GPR158: variants seen among roughly 807,000 people sequenced by gnomAD.
GPR158 encodes G protein-coupled receptor 158, also known as metabotropic glycine receptor.
In GPR158, 30 loss-of-function variants were observed where a neutral mutation model predicts 78.2. The ratio of observed to expected loss-of-function variants is 0.38; its 90% confidence interval spans 0.29 to 0.52. The LOEUF is 0.52. Ranked by LOEUF, GPR158 falls within the 20% of genes least tolerant of loss-of-function variation. The probability of loss-of-function intolerance (pLI) is 0.83; values close to 1 mark genes in which losing one functional copy is unlikely to be tolerated. For synonymous variants in GPR158, 581 were observed against 591.1 expected, an observed-to-expected ratio of 0.98 and a Z score of 0.25; for missense variants, 1,463 against 1,523.5, an observed-to-expected ratio of 0.96 and a Z score of 0.66.
At chr10:25,559,711 G>A (rs1024121089) in intron 6 of GPR158, among the ~76,000 whole-genome samples, 1 of 152,130 alleles carries the variant, frequency 6.6e-6, no homozygotes, top group East Asian at 1.9e-4. Context: ...AAAAATACTA[G>A]AGAGTAAAAA....
At chr10:25,331,777 A>G (rs1588803845) in intron 2 of GPR158, among the ~76,000 whole-genome samples, 1 of 152,300 alleles carries the variant, frequency 6.6e-6, no homozygotes, top group African/African-American at 2.4e-5. Context: ...ATTATTTGAG[A>G]AGAACCCATT....
chr10:25,273,400 C>CT (rs36068886), intron 2 of GPR158, among the ~76,000 whole-genome samples: 54,302 of 121,886 alleles, frequency 0.45, 12,483 homozygotes, highest in Non-Finnish European at 0.51. Flanking sequence ...ACATTGGCAT[C>CT]TTTTTTTTTT....
intron 5 of GPR158, among the ~76,000 whole-genome samples, chr10:25,537,663 T>A (rs1052564406): frequency 6.6e-6 from 1 of 152,108 alleles, no homozygotes; most frequent in African/African-American, 2.4e-5. Flanking sequence ...TGGATTTGTG[T>A]CCCCGCCCAA....
chr10:25,589,826 C>G lies in GPR158; in HGVS notation c.1892+681C>G, dbSNP rs539089011. 3.7e-4 allele frequency among the ~76,000 whole-genome samples: 56 copies of G among 152,200 alleles called. 1 individual carries two copies. In the Middle Eastern group the frequency reaches 0.01, roughly 28 times the overall value. On this transcript the variant is annotated intron_variant, in intron 8 of 10. Transcript: ENST00000376351. ...TATGACTTATCTTCTGAAAATGTAT[C>G]CCTGATTCATATTTGAAAATGAAAT...
intron 5 of GPR158, among the ~76,000 whole-genome samples, chr10:25,476,442 G>A (rs1192727763): frequency 7.2e-6 from 1 of 138,154 alleles, no homozygotes; most frequent in Non-Finnish European, 1.5e-5. Context: ...TGGTAGATAT[G>A]TCTTCCTGTA....
chr10:25,270,024 G>A (rs1482448034), intron 2 of GPR158, among the ~76,000 whole-genome samples: 1 of 152,100 alleles, frequency 6.6e-6, no homozygotes, highest in African/African-American at 2.4e-5. Flanking sequence ...CACCTATAAT[G>A]CAGAAAGAAG....
intron 2 of GPR158, among the ~76,000 whole-genome samples, chr10:25,303,514 A>C (rs772804183): frequency 2.0e-5 from 3 of 152,224 alleles, no homozygotes; most frequent in Non-Finnish European, 2.9e-5. Flanking sequence ...AAATAAATAC[A>C]CTAAAATGAC....
chr10:25,572,597 A>ATACTT, intron 6 of GPR158, 52 bp from the exon 7 acceptor site: 1 of 1,117,428 alleles, frequency 8.9e-7, no homozygotes, highest in Non-Finnish European at 1.4e-6. Flanking sequence ...TTTTAGAGTT[A>ATACTT]TACTTTCTGA....
intron 2 of GPR158, among the ~76,000 whole-genome samples, chr10:25,270,299 A>G (rs544943738): frequency 6.6e-6 from 1 of 152,288 alleles, no homozygotes; most frequent in South Asian, 2.1e-4. Flanking sequence ...TGAAGAATAG[A>G]TGGTCTTCTG....
chr10:25,595,025 T>G (rs1436040797), intron 9 of GPR158, among the ~76,000 whole-genome samples: 1 of 126,044 alleles, frequency 7.9e-6, no homozygotes, highest in East Asian at 2.0e-4. Context: ...GATATTGGAG[T>G]TTTTTTTCTC....
chr10:25,392,703 A>C (rs1306161742), intron 2 of GPR158, among the ~76,000 whole-genome samples: 5 of 152,128 alleles, frequency 3.3e-5, no homozygotes, highest in Non-Finnish European at 7.4e-5. Flanking sequence ...TAATTTCCTA[A>C]TCTTAAAAAT....
intron 2 of GPR158, among the ~76,000 whole-genome samples, chr10:25,267,738 T>C (rs944003185): frequency 6.6e-6 from 1 of 150,476 alleles, no homozygotes; most frequent in African/African-American, 2.5e-5. Context: ...TTGAACCCAA[T>C]GTTGTTTTAA....
intron 1 of GPR158, among the ~76,000 whole-genome samples, chr10:25,179,243 C>G (rs1202223844): frequency 1.3e-5 from 2 of 152,082 alleles, no homozygotes; most frequent in African/African-American, 4.8e-5. Flanking sequence ...AGGTAAACCT[C>G]AAATGAATTT....
At chr10:25,317,854 C>G (rs1007615398) in intron 2 of GPR158, among the ~76,000 whole-genome samples, 2 of 151,944 alleles carry the variant, frequency 1.3e-5, no homozygotes, top group Admixed American at 6.5e-5. Context: ...TCAGCCTCCC[C>G]AGTAGCTGGG....
At position 25,305,557 on chromosome 10, in the gene GPR158, T is replaced by C. The variant is rs968314698; in HGVS notation, c.1008+84400T>C. On this transcript the variant is annotated intron_variant, in intron 2 of 10. Coordinates refer to ENST00000376351, the MANE Select transcript of GPR158 (RefSeq NM_020752.3). ...CCCAGTTTGGAAGTGTCAGCAAATG[T>C]GTCTCAGTGAAGGAGATGCCTGTGT... is the stretch of plus-strand genomic sequence containing the variant. Among the ~76,000 whole-genome samples the C allele has an allele frequency of 4.6e-5, 7 of 152,146 alleles. 1 individual carries two copies. Among genetic ancestry groups the C allele is most frequent in the Admixed American group, 3.9e-4 (6 of 15,270 alleles).
chr10:25,405,298 A>G (rs570455543), intron 3 of GPR158, among the ~76,000 whole-genome samples: 1 of 152,078 alleles, frequency 6.6e-6, no homozygotes, highest in African/African-American at 2.4e-5. Flanking sequence ...TTTAACCCAC[A>G]CAAAGACATT....
chr10:25,527,436 A>G (rs1836364887), intron 5 of GPR158, among the ~76,000 whole-genome samples: 1 of 152,206 alleles, frequency 6.6e-6, no homozygotes, highest in Non-Finnish European at 1.5e-5. Context: ...AATCAATGAT[A>G]TGTTAACTTA....
chr10:25,363,273 A>T (rs558666895), intron 2 of GPR158, among the ~76,000 whole-genome samples: 2 of 152,030 alleles, frequency 1.3e-5, no homozygotes, highest in South Asian at 4.1e-4. Context: ...TAGCTGATTG[A>T]TGTCTTTTCA....
At chr10:25,338,149 T>A (rs1484946313) in intron 2 of GPR158, among the ~76,000 whole-genome samples, 1 of 151,572 alleles carries the variant, frequency 6.6e-6, no homozygotes, top group East Asian at 1.9e-4. Flanking sequence ...GGCCTTTTCC[T>A]TTATAATTGT....
Sources: allele counts gnomAD v4.1 joint callset (sites outside exome capture counted in the v4.1 genomes callset), GRCh38; gene constraint gnomAD v4.1.1; transcripts MANE v1.5; gene names NCBI Gene and HGNC (gene_info 2026-07-23, HGNC 2026-07-21).